SEPSECS: variants seen among roughly 807,000 people sequenced by gnomAD.
SEPSECS encodes Sep (O-phosphoserine) tRNA:Sec (selenocysteine) tRNA synthase.
Under a neutral mutation model 52.1 loss-of-function variants are expected in SEPSECS, and 42 were observed. That is an observed-to-expected ratio of 0.81 (90% CI 0.63 to 1.04). The LOEUF is 1.04. Among genes scored for constraint, SEPSECS ranks in the 50% least tolerant of loss-of-function variants. The probability of loss-of-function intolerance (pLI) is 0.00; values close to 1 mark genes in which losing one functional copy is unlikely to be tolerated. For synonymous variants in SEPSECS, 216 were observed against 211.4 expected (o/e 1.02, Z -0.19); for missense variants, 590 against 610.6 (o/e 0.97, Z 0.36).
intron 8 of SEPSECS, among the ~76,000 whole-genome samples, chr4:25,142,917 T>C (rs999024510): frequency 3.3e-5 from 5 of 152,246 alleles, no homozygotes; most frequent in Admixed American, 1.3e-4. Flanking sequence ...ATCAATTGTG[T>C]CTTTCACAAA....
chr4:25,151,305 G>A (rs1043365968), intron 6 of SEPSECS, among the ~76,000 whole-genome samples: 2 of 152,162 alleles, frequency 1.3e-5, no homozygotes, highest in African/African-American at 2.4e-5. Flanking sequence ...TGGAAGTGCA[G>A]GCACGTGACA....
rs935926792 is a variant in SEPSECS, at chr4:25,151,952, T to A, written c.804+8A>T. 2 of 1,430,942 alleles carry A rather than the reference T, an allele frequency of 1.4e-6. No individual in the cohort carries two copies. Among genetic ancestry groups the A allele is most frequent in the African/African-American group, 2.8e-5 (2 of 71,242 alleles). The allele number at this position is 1,430,942 out of a possible 1,614,324, so 88.6% of individuals were successfully genotyped here. ...CCTTGACATACATATCATTTTAAACTCTCTTACCTGCTGAATGAGATGCAT... is the reference window on the plus strand; with the variant it reads ...CCTTGACATACATATCATTTTAAACACTCTTACCTGCTGAATGAGATGCAT... On this transcript the variant is annotated splice_region_variant and intron_variant, in intron 6 of 10. Coordinates refer to ENST00000382103, the MANE Select transcript of SEPSECS (RefSeq NM_016955.4).
At chr4:25,124,392 A>C (rs987325694) in intron 10 of SEPSECS, among the ~76,000 whole-genome samples, 167 bp from the exon 11 acceptor site, 2 of 152,168 alleles carry the variant, frequency 1.3e-5, no homozygotes, top group Non-Finnish European at 2.9e-5. Context: ...TTAAAATGAA[A>C]TTCTATAATA....
intron 10 of SEPSECS, 116 bp from the exon 11 acceptor site, chr4:25,124,341 C>A: frequency 1.1e-6 from 1 of 936,128 alleles, no homozygotes; most frequent in Non-Finnish European, 1.6e-6. Flanking sequence ...AAGTTTAAAA[C>A]AGCCACAAAT....
chr4:25,148,080 C>T (rs1232822298), intron 6 of SEPSECS, among the ~76,000 whole-genome samples: 1 of 152,050 alleles, frequency 6.6e-6, no homozygotes, highest in Non-Finnish European at 1.5e-5. Flanking sequence ...GGGCCAGGCA[C>T]GGTGGCTCAC....
chr4:25,147,992 T>A (rs1291544111), intron 6 of SEPSECS, among the ~76,000 whole-genome samples: 1 of 152,108 alleles, frequency 6.6e-6, no homozygotes. Context: ...TTATTTTATT[T>A]CCCCATGTGC....
intron 6 of SEPSECS, among the ~76,000 whole-genome samples, chr4:25,147,232 T>C (rs541996134): frequency 2.0e-5 from 3 of 152,318 alleles, no homozygotes; most frequent in South Asian, 2.1e-4. Flanking sequence ...CATCTAATGA[T>C]ATCCATCCTC....
intron 2 of SEPSECS, among the ~76,000 whole-genome samples, chr4:25,157,298 A>G (rs1163363690): frequency 6.6e-6 from 1 of 152,190 alleles, no homozygotes; most frequent in Non-Finnish European, 1.5e-5. Flanking sequence ...TTGCTTGGCC[A>G]GGAAGAATCT....
chr4:25,157,646 G>T (rs1427465350), intron 2 of SEPSECS, among the ~76,000 whole-genome samples: 5 of 148,828 alleles, frequency 3.4e-5, no homozygotes, highest in African/African-American at 1.2e-4. Flanking sequence ...CCAGGTTCCC[G>T]CCATTCTCCT....
Position 25,160,278 on chromosome 4 carries a change from A to C in SEPSECS, c.92T>G (p.Leu31Arg). Residue 31 changes from leucine (L) to arginine (R), a missense_variant, in exon 1 of 11, where the codon CTC becomes CGC. Coordinates refer to ENST00000382103, the MANE Select transcript of SEPSECS (RefSeq NM_016955.4). Reference sequence around the variant, plus strand: ...TACCTTCTCCAGAAGCAGCCGTATGAGGTGCTCATGCGAGCGGCGGGCCTC... The same window carrying C: ...TACCTTCTCCAGAAGCAGCCGTATGCGGTGCTCATGCGAGCGGCGGGCCTC... ...GCEARRSHEHLIRLLLEKGKC... is the reference protein window; with the variant it reads ...GCEARRSHEHRIRLLLEKGKC... The C allele has an allele frequency of 6.4e-7, 1 of 1,556,692 alleles. No individual in the cohort carries two copies. The highest frequency in any genetic ancestry group is 8.7e-7 in the Non-Finnish European group (1 of 1,149,556).
Position 25,144,856 on chromosome 4 carries a change from G to T in SEPSECS, c.944C>A (p.Ser315Ter), listed in dbSNP as rs1424831605. 6.2e-7 allele frequency: 1 copy of T among 1,612,194 alleles called. No individual in the cohort carries two copies. The highest frequency in any genetic ancestry group is 8.5e-7 in the Non-Finnish European group (1 of 1,178,540). ...AAGGACATCTAAAGAAGGTGAAGCT[G>T]AAGCTCTTCCTGAAATAAGAAGGAT... is the stretch of plus-strand genomic sequence containing the variant. ...EISKMYPGRA[S>*]ASPSLDVLIT... The change falls in exon 8 of 11, where the codon TCA becomes TAA. Residue 315 changes from serine (S) to a stop codon, truncating the protein, a stop_gained. Transcript: ENST00000382103. LOFTEE classifies it high-confidence loss of function.
intron 4 of SEPSECS, 152 bp from the exon 5 acceptor site, chr4:25,155,303 C>T: frequency 2.5e-6 from 2 of 803,482 alleles, no homozygotes; most frequent in South Asian, 3.2e-5. Flanking sequence ...CGGCTCAGTA[C>T]TGGTATTAGT....
chr4:25,159,164 T>C, intron 1 of SEPSECS, 57 bp from the exon 2 acceptor site: 1 of 1,369,980 alleles, frequency 7.3e-7, no homozygotes, highest in Non-Finnish European at 9.9e-7. Flanking sequence ...TTCTCTAGAA[T>C]ACTACAGGAA....
intron 8 of SEPSECS, among the ~76,000 whole-genome samples, chr4:25,134,476 T>C (rs562155608): frequency 4.6e-5 from 7 of 152,206 alleles, no homozygotes; most frequent in Admixed American, 3.3e-4. Flanking sequence ...TCAACAAACA[T>C]ATGATGAGCA....
chr4:25,126,805 G>C (rs1378809672), intron 9 of SEPSECS, among the ~76,000 whole-genome samples: 1 of 152,092 alleles, frequency 6.6e-6, no homozygotes, highest in Non-Finnish European at 1.5e-5. Context: ...TTGTTAACTG[G>C]AGAAAGTTTT....
rs749700503 is a variant in SEPSECS at position 25,127,249 on chromosome 4, G to A, written c.1120+15C>T. 2.5e-6 allele frequency: 4 copies of A among 1,573,180 alleles called. No individual in the cohort carries two copies. In the East Asian group the frequency reaches 9.0e-5, roughly 35 times the overall value. On this transcript the variant is annotated intron_variant, in intron 9 of 10. Coordinates refer to ENST00000382103, the MANE Select transcript of SEPSECS (RefSeq NM_016955.4). ...ATCATAAGTATTTGTTTTTCTTTAG[G>A]AAAAAAGAAATTACCTAAAGATATG...
At chr4:25,155,677 GA>G (rs1712581135) in intron 4 of SEPSECS, among the ~76,000 whole-genome samples, 1 of 152,046 alleles carries the variant, frequency 6.6e-6, no homozygotes, top group South Asian at 2.1e-4. Context: ...GTAGCCTAAG[GA>G]TCACTGATCC....
chr4:25,139,917 T>C (rs1022414819), intron 8 of SEPSECS, among the ~76,000 whole-genome samples: 10 of 152,250 alleles, frequency 6.6e-5, no homozygotes, highest in Non-Finnish European at 1.3e-4. Flanking sequence ...GGGAATTTAC[T>C]GCTTCATCTC....
chr4:25,127,428 G>T, intron 8 of SEPSECS, 71 bp from the exon 9 acceptor site: 1 of 1,114,830 alleles, frequency 9.0e-7, no homozygotes, highest in South Asian at 1.3e-5. Context: ...ACAAAAATCT[G>T]ATTGGTATGA....
Sources: gnomAD v4.1 joint callset for allele counts (sites outside exome capture counted in the v4.1 genomes callset) on GRCh38, gnomAD v4.1.1 for gene constraint, MANE v1.5 for transcripts, NCBI Gene and HGNC (gene_info 2026-07-23, HGNC 2026-07-21) for gene names.